MYO1D: variants seen among roughly 807,000 people sequenced by gnomAD.
MYO1D encodes unconventional myosin-Id.
MYO1D carries 83 observed loss-of-function variants against 122.0 expected under a neutral mutation model. That is an observed-to-expected ratio of 0.68 (90% CI 0.57 to 0.82). The LOEUF (loss-of-function observed/expected upper bound fraction) is 0.82. MYO1D is among the 40% of genes least tolerant of loss of function. The pLI, the probability that MYO1D is intolerant of heterozygous loss-of-function variation, is 0.00. For missense variants in MYO1D, 1,157 were observed against 1,269.5 expected (o/e 0.91, Z 1.35); for synonymous variants, 464 against 446.9 (o/e 1.04, Z -0.48).
intron 1 of MYO1D, among the ~76,000 whole-genome samples, chr17:32,784,819 T>C (rs1475992837): frequency 6.6e-6 from 1 of 152,020 alleles, no homozygotes; most frequent in Non-Finnish European, 1.5e-5. Context: ...AAAAGGAAGA[T>C]ACTGTGGGGA....
chr17:32,705,703 TA>T (rs1374197251), intron 16 of MYO1D, among the ~76,000 whole-genome samples: 1 of 152,232 alleles, frequency 6.6e-6, no homozygotes, highest in Non-Finnish European at 1.5e-5. Flanking sequence ...TGGTTTTAGT[TA>T]ATGATATGGT....
chr17:32,574,245 G>C (rs117470468), intron 21 of MYO1D, among the ~76,000 whole-genome samples: 1 of 151,678 alleles, frequency 6.6e-6, no homozygotes, highest in Non-Finnish European at 1.5e-5. Flanking sequence ...CTTTACAGAA[G>C]CTTGTCTTTT....
intron 1 of MYO1D, among the ~76,000 whole-genome samples, chr17:32,811,616 CTTTT>C (rs755189217): frequency 3.6e-4 from 21 of 57,538 alleles, no homozygotes; most frequent in African/African-American, 1.1e-3. Context: ...CCCTCACCCT[CTTTT>C]TTTTTTTTTT....
chr17:32,694,650 G>T (rs1038513722), intron 16 of MYO1D, among the ~76,000 whole-genome samples: 1 of 136,024 alleles, frequency 7.4e-6, no homozygotes, highest in Non-Finnish European at 1.5e-5. Context: ...GCAGTGAGCC[G>T]AGATTGCGCC....
At chr17:32,809,796 T>C (rs890171626) in intron 1 of MYO1D, among the ~76,000 whole-genome samples, 2 of 152,198 alleles carry the variant, frequency 1.3e-5, no homozygotes, top group African/African-American at 2.4e-5. Flanking sequence ...TCAGCAATAA[T>C]AGCAACTGCT....
chr17:32,645,020 C>T (rs1168060558), intron 19 of MYO1D, among the ~76,000 whole-genome samples: 2 of 152,178 alleles, frequency 1.3e-5, no homozygotes, highest in East Asian at 1.9e-4. Flanking sequence ...ATGGCTTTTA[C>T]AATTTGGCAT....
At chr17:32,701,373 C>T (rs1030516315) in intron 16 of MYO1D, among the ~76,000 whole-genome samples, 9 of 151,954 alleles carry the variant, frequency 5.9e-5, no homozygotes, top group African/African-American at 1.9e-4. Context: ...TTCCAAAATA[C>T]AGACAAAAAA....
At chr17:32,518,485 A>C (rs1909979169) in intron 21 of MYO1D, 1 of 152,294 alleles carries the variant, frequency 6.6e-6, no homozygotes, top group Admixed American at 6.5e-5. Context: ...TTTGATTTTA[A>C]AGAGTGAATA....
intron 21 of MYO1D, among the ~76,000 whole-genome samples, chr17:32,557,285 AT>A (rs111446820): frequency 6.4e-4 from 97 of 151,628 alleles, no homozygotes; most frequent in Middle Eastern, 3.4e-3. Flanking sequence ...CGCCCGGCTA[AT>A]TTTTTTTATT....
intron 19 of MYO1D, among the ~76,000 whole-genome samples, chr17:32,643,683 T>C (rs2088240740): frequency 6.6e-6 from 1 of 152,208 alleles, no homozygotes; most frequent in Non-Finnish European, 1.5e-5. Context: ...ATCCATTTCT[T>C]CTAGATTTTT....
At chr17:32,720,704 T>C (rs1204239684) in intron 15 of MYO1D, among the ~76,000 whole-genome samples, 1 of 152,308 alleles carries the variant, frequency 6.6e-6, no homozygotes, top group African/African-American at 2.4e-5. Context: ...AAGTTAAATT[T>C]CTGGCCCATG....
Position 32,876,849 on chromosome 17 carries a change from T to A in MYO1D, c.24A>T (p.Glu8Asp), listed in dbSNP as rs1223425701. 2 of 1,513,038 alleles carry A rather than the reference T, an allele frequency of 1.3e-6. No individual in the cohort carries two copies. The highest frequency in any genetic ancestry group is 2.9e-5 in the African/African-American group (2 of 68,926). 93.7% of individuals were successfully genotyped at this position (1,513,038 alleles called of 1,614,324 possible). A position where few individuals can be genotyped will look rare whatever the true frequency, so the allele number is the denominator to read the frequency against. MAEQESL[E>D]FGKADFVLMD... ...TCAGCACGAAGTCTGCCTTGCCGAATTCCAGGCTCTCCTGCTCCGCCATGG... is the reference window on the plus strand; with the variant it reads ...TCAGCACGAAGTCTGCCTTGCCGAAATCCAGGCTCTCCTGCTCCGCCATGG... Residue 8 changes from glutamate to aspartate, a missense_variant, in exon 1 of 22, where the codon GAA becomes GAT. Coordinates refer to ENST00000318217, the MANE Select transcript of MYO1D (RefSeq NM_015194.3).
chr17:32,760,347 C>G lies in MYO1D; in HGVS notation c.1239G>C (p.Gln413His), dbSNP rs747635999. The change falls in exon 10 of 22, where the codon CAG becomes CAC. Residue 413 changes from glutamine (Q) to histidine (H), a missense_variant. By Grantham distance (24) the Gln-to-His change is conservative. Coordinates refer to ENST00000318217, the MANE Select transcript of MYO1D (RefSeq NM_015194.3). Reference sequence around the variant, plus strand: ...CCTCTTGTTCTTGCTTCAGAACCAGCTGAATAAATAGCTGCTGCAGTTTCT... The same window carrying G: ...CCTCTTGTTCTTGCTTCAGAACCAGGTGAATAAATAGCTGCTGCAGTTTCT... ...CNEKLQQLFIQLVLKQEQEEY... is the reference protein window; with the variant it reads ...CNEKLQQLFIHLVLKQEQEEY... 6.2e-7 allele frequency: 1 copy of G among 1,612,528 alleles called. No individual in the cohort carries two copies. Among genetic ancestry groups the G allele is most frequent in the Non-Finnish European group, 8.5e-7 (1 of 1,178,930 alleles).
At chr17:32,597,181 A>C (rs1036539645) in intron 21 of MYO1D, among the ~76,000 whole-genome samples, 1 of 152,214 alleles carries the variant, frequency 6.6e-6, no homozygotes, top group East Asian at 1.9e-4. Context: ...TTCAGAGAAA[A>C]CTAGCTGCCA....
At chr17:32,524,619 AG>A (rs1406190054) in intron 21 of MYO1D, among the ~76,000 whole-genome samples, 3 of 144,736 alleles carry the variant, frequency 2.1e-5, no homozygotes, top group Non-Finnish European at 4.5e-5. Flanking sequence ...GCTGGAGTGC[AG>A]TGGCATGATC....
At chr17:32,858,214 A>G (rs1020975724) in intron 1 of MYO1D, among the ~76,000 whole-genome samples, 7 of 152,208 alleles carry the variant, frequency 4.6e-5, no homozygotes. Flanking sequence ...CCAGAAACTC[A>G]TTACCTTCTT....
chr17:32,739,256 ATGATAGAC>A (rs1245606921), intron 13 of MYO1D, among the ~76,000 whole-genome samples: 1 of 150,432 alleles, frequency 6.6e-6, no homozygotes, highest in African/African-American at 2.4e-5. Context: ...ATGTCCATCA[ATGATAGAC>A]TGGATTAAGA....
chr17:32,721,832 T>A (rs1001887228), intron 14 of MYO1D, among the ~76,000 whole-genome samples: 1 of 152,234 alleles, frequency 6.6e-6, no homozygotes, highest in Non-Finnish European at 1.5e-5. Context: ...TATTAGATCA[T>A]AACCCCTTTT....
chr17:32,856,709 G>T (rs1164709216), intron 1 of MYO1D, among the ~76,000 whole-genome samples: 1 of 152,028 alleles, frequency 6.6e-6, no homozygotes, highest in Non-Finnish European at 1.5e-5. Flanking sequence ...CTCCTCTTCA[G>T]ACTCCTCTCA....
Sources: gnomAD v4.1 joint callset for allele counts (sites outside exome capture counted in the v4.1 genomes callset) on GRCh38, gnomAD v4.1.1 for gene constraint, MANE v1.5 for transcripts, NCBI Gene and HGNC (gene_info 2026-07-23, HGNC 2026-07-21) for gene names.